HLA-E: variants seen among roughly 807,000 people sequenced by gnomAD.
The protein encoded by HLA-E is major histocompatibility complex, class I, E.
In HLA-E, 25 loss-of-function variants were observed where a neutral mutation model predicts 43.4. The observed-to-expected ratio is 0.58, with a 90% CI of 0.42 to 0.80. The LOEUF (loss-of-function observed/expected upper bound fraction) is 0.80. HLA-E is among the 30% of genes least tolerant of loss of function. The pLI, the probability that HLA-E is intolerant of heterozygous loss-of-function variation, is 0.00. For missense variants in HLA-E, 343 were observed against 470.0 expected (o/e 0.73, Z 2.50); for synonymous variants, 161 against 197.6 (o/e 0.81, Z 1.55).
In HLA-E at chr6:30,492,616, G is replaced by T; in HGVS notation, c.*2+33G>T. 6.2e-7 allele frequency: 1 copy of T among 1,607,952 alleles called. No homozygotes were observed. Among genetic ancestry groups the T allele is most frequent in the Non-Finnish European group, 8.5e-7 (1 of 1,175,322 alleles). ...TCTGGGGGTCTGAAGTGGGTGGAGG[G>T]TGGGGCAGAGGGGACAGGACTGGGT... On this transcript the variant is annotated intron_variant, in intron 7 of 7. Coordinates refer to ENST00000376630, the MANE Select transcript of HLA-E (RefSeq NM_005516.6). The surrounding 1 kb of genome is among the most constrained non-coding windows in gnomAD (Gnocchi z 4.5).
In HLA-E at chr6:30,490,884, G is replaced by A. The variant is rs1167780858; in HGVS notation, c.611-253G>A. On this transcript the variant is annotated intron_variant, in intron 3 of 7. Transcript: ENST00000376630. This position sits in a 1 kb window ranked among gnomAD's most constrained non-coding sequence, Gnocchi z 6.6. ...GGAGGTCTGACTCCAGCTTTTCTCA[G>A]TCACTCAGCATCCACACAGGCCAGG... Among the ~76,000 whole-genome samples, 1 of 152,122 alleles carries A rather than the reference G, an allele frequency of 6.6e-6. No individual in the cohort carries two copies. The highest frequency in any genetic ancestry group is 1.5e-5 in the Non-Finnish European group (1 of 68,018).
In HLA-E at chr6:30,491,478, C is replaced by T. The variant is rs1252848544; in HGVS notation, c.887-59C>T. ...AGCGGGAGCCCTTCTGGAGCCCTTC[C>T]GCAGGGTCAGGGCTGAGGCCTGGGG... On this transcript the variant is annotated intron_variant, in intron 4 of 7. Coordinates refer to ENST00000376630, the MANE Select transcript of HLA-E (RefSeq NM_005516.6). This position sits in a 1 kb window ranked among gnomAD's most constrained non-coding sequence, Gnocchi z 5.4. 41 of 1,609,710 alleles carry T rather than the reference C, an allele frequency of 2.5e-5. No individual in the cohort carries two copies. The highest frequency in any genetic ancestry group is 1.5e-4 in the African/African-American group (11 of 74,900).
Position 30,492,690 on chromosome 6 carries a change from A to G in HLA-E, c.*3-59A>G. Reference sequence around the variant, plus strand: ...TTTTTGAGTGTGTGGTGGGCTGTTCAGAGTGTCATCACTTACCGTGACTGA... The same window carrying G: ...TTTTTGAGTGTGTGGTGGGCTGTTCGGAGTGTCATCACTTACCGTGACTGA... On this transcript the variant is annotated intron_variant, in intron 7 of 7. Transcript: ENST00000376630. This position sits in a 1 kb window ranked among gnomAD's most constrained non-coding sequence, Gnocchi z 4.5. The G allele has an allele frequency of 9.0e-7, 1 of 1,111,150 alleles. No individual in the cohort carries two copies. Among genetic ancestry groups the G allele is most frequent in the Non-Finnish European group, 1.3e-6 (1 of 745,806 alleles). The allele number at this position is 1,111,150 out of a possible 1,614,324, so 68.8% of individuals were successfully genotyped here.
rs375639844 is a variant in HLA-E, at chr6:30,491,857, C to T, written c.1003+204C>T. 1.3e-5 allele frequency among the ~76,000 whole-genome samples: 2 copies of T among 152,052 alleles called. No individual in the cohort carries two copies. Among genetic ancestry groups the T allele is most frequent in the Non-Finnish European group, 2.9e-5 (2 of 68,002 alleles). On this transcript the variant is annotated intron_variant, in intron 5 of 7. Transcript: ENST00000376630. The surrounding 1 kb of genome is among the most constrained non-coding windows in gnomAD (Gnocchi z 5.4). ...TGTCACCCAGGCTGGAGTGCAATGG[C>T]GTGGTTTCAGCTCACTGCAACCTCC... is the stretch of plus-strand genomic sequence containing the variant.
chr6:30,491,131 C>T lies in HLA-E; in HGVS notation c.611-6C>T. ...AGTGCCTGAATTTTCTGACTCTTCC[C>T]CTCAGAGCCCCCAAAGACACACGTG... On this transcript the variant is annotated splice_region_variant and splice_polypyrimidine_tract_variant and intron_variant, in intron 3 of 7. Transcript: ENST00000376630. The surrounding 1 kb of genome is among the most constrained non-coding windows in gnomAD (Gnocchi z 5.4). The T allele has an allele frequency of 6.2e-7, 1 of 1,613,580 alleles. No homozygotes were observed. Among genetic ancestry groups the T allele is most frequent in the South Asian group, 1.1e-5 (1 of 91,068 alleles).
rs879143077 is a variant in HLA-E, at chr6:30,491,659, G to T, written c.1003+6G>T. 7 of 1,606,628 alleles carry T rather than the reference G, an allele frequency of 4.4e-6. No individual in the cohort carries two copies. The highest frequency in any genetic ancestry group is 3.4e-6 in the Non-Finnish European group (4 of 1,175,038). On this transcript the variant is annotated splice_donor_region_variant and intron_variant, in intron 5 of 7. Transcript: ENST00000376630. The surrounding 1 kb of genome is among the most constrained non-coding windows in gnomAD (Gnocchi z 5.4). Reference sequence around the variant, plus strand: ...ATGGAGGAAGAAGAGCTCAGGTGGGGAAGGGAGAAGGGTGGGGTCTGAGTT... The same window carrying T: ...ATGGAGGAAGAAGAGCTCAGGTGGGTAAGGGAGAAGGGTGGGGTCTGAGTT...
rs1311267931 is a variant in HLA-E at position 30,492,459 on chromosome 6, G to A, written c.1036+23G>A. 1.9e-6 allele frequency: 3 copies of A among 1,614,048 alleles called. No individual in the cohort carries two copies. The highest frequency in any genetic ancestry group is 2.2e-5 in the South Asian group (2 of 91,070). On this transcript the variant is annotated intron_variant, in intron 6 of 7. Transcript: ENST00000376630. This position sits in a 1 kb window ranked among gnomAD's most constrained non-coding sequence, Gnocchi z 4.5. ...AGTGTAAGTGCGGGGCGGGAGCGTGGAGGAGCTCGCCCACCCTATAATTCC... is the reference window on the plus strand; with the variant it reads ...AGTGTAAGTGCGGGGCGGGAGCGTGAAGGAGCTCGCCCACCCTATAATTCC...
chr6:30,493,810 T>C lies in HLA-E; in HGVS notation c.*1064T>C, dbSNP rs1046417641. ...CACCAGGGAAATGTCTAGTGTCTAGTGGATCCAGGCCACAGGAGAGAGTGC... is the reference window on the plus strand; with the variant it reads ...CACCAGGGAAATGTCTAGTGTCTAGCGGATCCAGGCCACAGGAGAGAGTGC... On this transcript the variant is annotated 3_prime_UTR_variant, in exon 8 of 8. Transcript: ENST00000376630. The surrounding 1 kb of genome is among the most constrained non-coding windows in gnomAD (Gnocchi z 5.5). 1.3e-5 allele frequency: 2 copies of C among 152,490 alleles called. No homozygotes were observed. The highest frequency in any genetic ancestry group is 2.4e-5 in the African/African-American group (1 of 41,444). The allele number at this position is 152,490 out of a possible 1,614,324, so 9.4% of individuals were successfully genotyped here.
chr6:30,492,513 A>T lies in HLA-E; in HGVS notation c.1037-28A>T, dbSNP rs371331589. 5 of 1,613,896 alleles carry T rather than the reference A, an allele frequency of 3.1e-6. No individual in the cohort carries two copies. Among genetic ancestry groups the T allele is most frequent in the Non-Finnish European group, 4.2e-6 (5 of 1,179,992 alleles). On this transcript the variant is annotated intron_variant, in intron 6 of 7. Transcript: ENST00000376630. This position sits in a 1 kb window ranked among gnomAD's most constrained non-coding sequence, Gnocchi z 4.5. ...TGCACCACATCTCCTGTGGGCTCTG[A>T]CCAGGTCTTGTTTTTGTTCTACCCC...
In HLA-E at chr6:30,490,611, G is replaced by A; in HGVS notation, c.610+96G>A. On this transcript the variant is annotated intron_variant, in intron 3 of 7. Transcript: ENST00000376630. This position sits in a 1 kb window ranked among gnomAD's most constrained non-coding sequence, Gnocchi z 6.6. Reference sequence around the variant, plus strand: ...TCAAACAGTAGAAGAAACAGGGATGGAGGCCAGAATACCACTCCTCCCTTG... The same window carrying A: ...TCAAACAGTAGAAGAAACAGGGATGAAGGCCAGAATACCACTCCTCCCTTG... 1 of 1,238,388 alleles carries A rather than the reference G, an allele frequency of 8.1e-7. No individual in the cohort carries two copies. 76.7% of individuals were successfully genotyped at this position (1,238,388 alleles called of 1,614,324 possible). A position where few individuals can be genotyped will look rare whatever the true frequency, so the allele number is the denominator to read the frequency against.
chr6:30,489,682 C>G lies in HLA-E; in HGVS notation c.65-44C>G, dbSNP rs764941140. ...GGGGCGAAGGACTCGGGGAGCCGCG[C>G]CGGGAGGAGGGTCGGGCCGATCTCA... On this transcript the variant is annotated intron_variant, in intron 1 of 7. Transcript: ENST00000376630. This position sits in a 1 kb window ranked among gnomAD's most constrained non-coding sequence, Gnocchi z 5.6. 2 of 1,610,688 alleles carry G rather than the reference C, an allele frequency of 1.2e-6. No homozygotes were observed. The highest frequency in any genetic ancestry group is 1.3e-5 in the African/African-American group (1 of 74,858).
In HLA-E at chr6:30,489,892, G is replaced by A; in HGVS notation, c.231G>A (p.Gly77=). 1 of 1,613,062 alleles carries A rather than the reference G, an allele frequency of 6.2e-7. No homozygotes were observed. Among genetic ancestry groups the A allele is most frequent in the South Asian group, 1.1e-5 (1 of 91,076 alleles). ...GGGCGCCGTGGATGGAGCAGGAGGG[G>A]TCAGAGTATTGGGACCGGGAGACAC... The part of the protein sequence containing the change: ...VPRAPWMEQE[G]SEYWDRETRS... The change falls in exon 2 of 8, where the codon GGG becomes GGA. Residue 77 remains glycine, a synonymous_variant. Transcript: ENST00000376630. This position sits in a 1 kb window ranked among gnomAD's most constrained non-coding sequence, Gnocchi z 5.6.
chr6:30,492,717 C>T lies in HLA-E; in HGVS notation c.*3-32C>T. ...AGTGTCATCACTTACCGTGACTGAC[C>T]TGAATTTGTTCATGACTATTTTCTT... On this transcript the variant is annotated intron_variant, in intron 7 of 7. Coordinates refer to ENST00000376630, the MANE Select transcript of HLA-E (RefSeq NM_005516.6). The surrounding 1 kb of genome is among the most constrained non-coding windows in gnomAD (Gnocchi z 4.5). 1.1e-6 allele frequency: 1 copy of T among 878,260 alleles called. No individual in the cohort carries two copies. Among genetic ancestry groups the T allele is most frequent in the South Asian group, 1.5e-5 (1 of 65,748 alleles). 54.4% of individuals were successfully genotyped at this position (878,260 alleles called of 1,614,324 possible).
At position 30,490,505 on chromosome 6, in the gene HLA-E, G is replaced by C. The variant is rs755390334; in HGVS notation, c.600G>C (p.Leu200=). 5 of 1,612,640 alleles carry C rather than the reference G, an allele frequency of 3.1e-6. No individual in the cohort carries two copies. Among genetic ancestry groups the C allele is most frequent in the Non-Finnish European group, 4.2e-6 (5 of 1,179,856 alleles). The change falls in exon 3 of 8, where the codon CTG becomes CTC. Residue 200 remains leucine (L), a synonymous_variant. Coordinates refer to ENST00000376630, the MANE Select transcript of HLA-E (RefSeq NM_005516.6). This position sits in a 1 kb window ranked among gnomAD's most constrained non-coding sequence, Gnocchi z 6.6. ...ACCTGGAGAAGGGGAAGGAGACGCT[G>C]CTTCACCTGGGTAAGAGGGTCCACA... is the stretch of plus-strand genomic sequence containing the variant. ...HKYLEKGKET[L]LHLEPPKTHV...
rs1258308563 is a variant in HLA-E at position 30,491,400 on chromosome 6, A to G, written c.874A>G (p.Thr292Ala). ...GCATGAGGGGCTACCCGAGCCCGTC[A>G]CCCTGAGATGGAGTAAGGAGGGGGA... The part of the protein sequence containing the change: ...VQHEGLPEPV[T>A]LRWKPASQPT... Residue 292 changes from threonine (T) to alanine (A), a missense_variant, in exon 4 of 8, where the codon ACC (threonine) becomes GCC (alanine). By Grantham distance (58) the Thr-to-Ala change is moderately conservative. Around this residue, in one of 3 missense-constraint regions of HLA-E, gnomAD observed 190 missense variants for 283.6 expected, o/e 0.67. Transcript: ENST00000376630. This position sits in a 1 kb window ranked among gnomAD's most constrained non-coding sequence, Gnocchi z 5.4. 1 of 1,614,052 alleles carries G rather than the reference A, an allele frequency of 6.2e-7. No individual in the cohort carries two copies. Among genetic ancestry groups the G allele is most frequent in the Non-Finnish European group, 8.5e-7 (1 of 1,180,040 alleles).
rs150949676 is a variant in HLA-E at position 30,489,989 on chromosome 6, G to A, written c.328G>A (p.Glu110Lys). ...RTLRGYYNQS[E>K]AGSHTLQWMH... ...GCTGCGCGGCTACTACAATCAGAGC[G>A]AGGCCGGTGAGTGACCCCGGCCAGG... The change falls in exon 2 of 8, where the codon GAG becomes AAG. Residue 110 changes from glutamate to lysine, a missense_variant. This residue lies in a region of HLA-E where 59 missense variants were observed against 42.0 expected (regional missense o/e 1.40). Transcript: ENST00000376630. The surrounding 1 kb of genome is among the most constrained non-coding windows in gnomAD (Gnocchi z 5.6). 1,397 of 1,605,024 alleles carry A rather than the reference G, an allele frequency of 8.7e-4. 11 individuals carry two copies. The African/African-American group carries it at 0.014, about 17-fold the overall frequency.
At position 30,491,188 on chromosome 6, in the gene HLA-E, C is replaced by T; in HGVS notation, c.662C>T (p.Thr221Ile). The T allele has an allele frequency of 6.2e-7, 1 of 1,614,018 alleles. No individual in the cohort carries two copies. The highest frequency in any genetic ancestry group is 8.5e-7 in the Non-Finnish European group (1 of 1,179,890). Residue 221 changes from threonine (T) to isoleucine (I), a missense_variant, in exon 4 of 8, where the codon ACC becomes ATC. By Grantham distance (89) the Thr-to-Ile change is moderately conservative (BLOSUM62 -1). Around this residue, in one of 3 missense-constraint regions of HLA-E, gnomAD observed 190 missense variants for 283.6 expected, o/e 0.67. Coordinates refer to ENST00000376630, the MANE Select transcript of HLA-E (RefSeq NM_005516.6). This position sits in a 1 kb window ranked among gnomAD's most constrained non-coding sequence, Gnocchi z 5.4. ...CACCCCATCTCTGACCATGAGGCCA[C>T]CCTGAGGTGCTGGGCCCTGGGCTTC... ...THHPISDHEA[T>I]LRCWALGFYP...
rs2127276819 is a variant in HLA-E, at chr6:30,493,681, A to G, written c.*935A>G. ...ACAGGAATGGGACTGGTGGCTTTAT[A>G]AGAAGAGGAAAAGAGAACTGAGCTA... On this transcript the variant is annotated 3_prime_UTR_variant, in exon 8 of 8. Transcript: ENST00000376630. The surrounding 1 kb of genome is among the most constrained non-coding windows in gnomAD (Gnocchi z 5.5). 1 of 152,450 alleles carries G rather than the reference A, an allele frequency of 6.6e-6. No individual in the cohort carries two copies. Among genetic ancestry groups the G allele is most frequent in the South Asian group, 2.1e-4 (1 of 4,830 alleles). 9.4% of individuals were successfully genotyped at this position (152,450 alleles called of 1,614,324 possible). A position where few individuals can be genotyped will look rare whatever the true frequency, so the allele number is the denominator to read the frequency against.
chr6:30,492,619 G>A lies in HLA-E; in HGVS notation c.*2+36G>A. The A allele has an allele frequency of 1.9e-6, 3 of 1,604,000 alleles. No homozygotes were observed. The highest frequency in any genetic ancestry group is 1.3e-5 in the African/African-American group (1 of 74,622). On this transcript the variant is annotated intron_variant, in intron 7 of 7. Coordinates refer to ENST00000376630, the MANE Select transcript of HLA-E (RefSeq NM_005516.6). The surrounding 1 kb of genome is among the most constrained non-coding windows in gnomAD (Gnocchi z 4.5). ...GGGGGTCTGAAGTGGGTGGAGGGTG[G>A]GGCAGAGGGGACAGGACTGGGTTGT...
Sources: gnomAD v4.1 joint callset for allele counts (sites outside exome capture counted in the v4.1 genomes callset) on GRCh38, gnomAD v4.1.1 for gene constraint, gnomAD v4.1.1 regional missense constraint, Gnocchi (gnomAD v3.1) non-coding constraint, MANE v1.5 for transcripts, NCBI Gene and HGNC (gene_info 2026-07-23, HGNC 2026-07-21) for gene names.